Variants in SETD5 observed in about 807,000 individuals in gnomAD.
SETD5 encodes the protein histone-lysine N-methyltransferase SETD5.
SETD5 carries 44 observed loss-of-function variants against 153.3 expected under a neutral mutation model. That is an observed-to-expected ratio of 0.29 (90% confidence interval 0.23 to 0.37). The LOEUF (loss-of-function observed/expected upper bound fraction) is 0.37. Ranked by LOEUF, SETD5 falls within the 10% of genes least tolerant of loss-of-function variation. The probability of loss-of-function intolerance (pLI) is 1.00; values close to 1 mark genes in which losing one functional copy is unlikely to be tolerated. For synonymous variants in SETD5, 716 were observed against 645.2 expected (o/e 1.11, Z -1.66); for missense variants, 1,544 against 1,768.0 (o/e 0.87, Z 2.27).
intron 1 of SETD5, among the ~76,000 whole-genome samples, chr3:9,422,376 T>C (rs530067009): frequency 8.5e-5 from 13 of 152,200 alleles, no homozygotes; most frequent in Non-Finnish European, 1.9e-4. Context: ...CTATGAAATA[T>C]ACTTTCTGTC....
At chr3:9,443,182 A>G (rs1460390940) in intron 10 of SETD5, 126 bp from the exon 11 acceptor site, 1 of 706,322 alleles carries the variant, frequency 1.4e-6, no homozygotes. Flanking sequence ...ATAACAGATT[A>G]CCATAACTCC....
intron 10 of SETD5, 45 bp downstream of exon 10, chr3:9,442,290 G>A: frequency 7.5e-7 from 1 of 1,339,934 alleles, no homozygotes; most frequent in Non-Finnish European, 1.1e-6. Context: ...ACCATCAAAT[G>A]ACAAGCTTAC....
intron 16 of SETD5, 83 bp from the exon 17 acceptor site, chr3:9,453,656 C>CA: frequency 7.5e-7 from 1 of 1,325,422 alleles, no homozygotes; most frequent in Non-Finnish European, 1.0e-6. Context: ...TTGTATCACT[C>CA]ACCAGTTGAT....
At chr3:9,458,168 ACT>A (rs2043491909) in intron 17 of SETD5, among the ~76,000 whole-genome samples, 2 of 152,076 alleles carry the variant, frequency 1.3e-5, no homozygotes, top group South Asian at 2.1e-4. Context: ...CGTGCCTGTA[ACT>A]CTCAACTACT....
intron 17 of SETD5, among the ~76,000 whole-genome samples, chr3:9,462,179 C>T (rs1386546374): frequency 2.0e-5 from 3 of 152,146 alleles, no homozygotes; most frequent in Non-Finnish European, 2.9e-5. Flanking sequence ...TCATACTGAC[C>T]ATTGCTTCCA....
At chr3:9,437,348 TGCTA>T (rs1353632536) in intron 7 of SETD5, among the ~76,000 whole-genome samples, 2 of 152,184 alleles carry the variant, frequency 1.3e-5, no homozygotes, top group African/African-American at 4.8e-5. Flanking sequence ...ACTTAGGTAA[TGCTA>T]GCATGTTTCT....
intron 3 of SETD5, 77 bp from the exon 4 acceptor site, chr3:9,433,768 A>C (rs754874515): frequency 1.4e-6 from 2 of 1,421,626 alleles, no homozygotes; most frequent in African/African-American, 2.8e-5. Flanking sequence ...AGGAGGGGTT[A>C]GAATGGGAAA....
At chr3:9,460,221 C>T (rs776088352) in intron 17 of SETD5, among the ~76,000 whole-genome samples, 6 of 149,722 alleles carry the variant, frequency 4.0e-5, no homozygotes, top group Admixed American at 6.6e-5. Flanking sequence ...ATGTTAATAA[C>T]ATTTAGATAA....
intron 17 of SETD5, among the ~76,000 whole-genome samples, chr3:9,456,429 C>T (rs142145606): frequency 6.7e-6 from 1 of 149,108 alleles, no homozygotes; most frequent in African/African-American, 2.5e-5. Flanking sequence ...GACGAGATTG[C>T]GCCACTCCAC....
At position 9,470,784 on chromosome 3, in the gene SETD5, G is replaced by T. The variant is rs773954765; in HGVS notation, c.3050G>T (p.Gly1017Val). 2.5e-6 allele frequency: 4 copies of T among 1,613,868 alleles called. No homozygotes were observed. The South Asian group carries it at 3.3e-5, about 13-fold the overall frequency. ...AGGAAGCCTTTACATTTGGATGGGG[G>T]ATATTGTTCCCCTGCAGAAGGATTT... The part of the protein sequence containing the change: ...GDRKPLHLDG[G>V]YCSPAEGFSS... Residue 1017 changes from glycine to valine, a missense_variant, in exon 19 of 23, where the codon GGA becomes GTA. Physicochemically the swap from Gly to Val is moderately radical, Grantham distance 109. Transcript: ENST00000402198.
At chr3:9,411,142 G>A (rs2036514459) in intron 1 of SETD5, among the ~76,000 whole-genome samples, 1 of 152,020 alleles carries the variant, frequency 6.6e-6, no homozygotes, top group Admixed American at 6.5e-5. Context: ...ACCGCACCTG[G>A]CCAAAATTCT....
intron 3 of SETD5, chr3:9,432,213 C>T: frequency 2.4e-6 from 2 of 833,718 alleles, no homozygotes; most frequent in Non-Finnish European, 2.9e-6. Context: ...TAATAAAATG[C>T]ATGCACCTCA....
At chr3:9,431,051 C>T in intron 3 of SETD5, 2 of 985,358 alleles carry the variant, frequency 2.0e-6, no homozygotes, top group Non-Finnish European at 2.4e-6. Context: ...TTTCGCTGTT[C>T]TGGGCACTTT....
chr3:9,465,384 T>C (rs2044432036), intron 18 of SETD5, among the ~76,000 whole-genome samples: 2 of 152,342 alleles, frequency 1.3e-5, no homozygotes, highest in African/African-American at 4.8e-5. Flanking sequence ...CAGGTTTCAA[T>C]AGAATCCATG....
chr3:9,433,989 C>T lies in SETD5; in HGVS notation c.177+39C>T, dbSNP rs780132641. 6 of 1,611,310 alleles carry T rather than the reference C, an allele frequency of 3.7e-6. No individual in the cohort carries two copies. In the South Asian group the frequency reaches 4.4e-5, roughly 12 times the overall value. On this transcript the variant is annotated intron_variant, in intron 4 of 22. Coordinates refer to ENST00000402198, the MANE Select transcript of SETD5 (RefSeq NM_001080517.3). ...TGTTTCTCTCCAGAACAGTGATCTT[C>T]CTGGAGTGTAATCCATTCTTATACA...
intron 14 of SETD5, 126 bp from the exon 15 acceptor site, chr3:9,447,560 A>T: frequency 8.5e-7 from 1 of 1,170,176 alleles, no homozygotes; most frequent in Non-Finnish European, 1.2e-6. Flanking sequence ...ATTAGATTTT[A>T]AATTAGTGTT....
At chr3:9,403,228 T>C (rs1348348088) in intron 1 of SETD5, among the ~76,000 whole-genome samples, 2 of 152,146 alleles carry the variant, frequency 1.3e-5, no homozygotes, top group Non-Finnish European at 2.9e-5. Context: ...TCAGAATATC[T>C]TGTAGGGATC....
At chr3:9,471,505 C>A (rs923326367) in intron 19 of SETD5, among the ~76,000 whole-genome samples, 2 of 152,152 alleles carry the variant, frequency 1.3e-5, no homozygotes, top group African/African-American at 2.4e-5. Context: ...AATTAGGTGG[C>A]ACTCCATTGG....
At chr3:9,426,122 G>A (rs1007821155) in intron 2 of SETD5, 1 of 141,870 alleles carries the variant, frequency 7.0e-6, no homozygotes. Context: ...CTTAGAAGAT[G>A]TACTGCCAAG....
Sources: allele counts gnomAD v4.1 joint callset (sites outside exome capture counted in the v4.1 genomes callset), GRCh38; gene constraint gnomAD v4.1.1; transcripts MANE v1.5; gene names NCBI Gene and HGNC (gene_info 2026-07-23, HGNC 2026-07-21).